The following SCAPER variants were observed in gnomAD, a reference collection of about 807,000 sequenced individuals.
SCAPER encodes the protein S phase cyclin A-associated protein in the endoplasmic reticulum.
A neutral mutation model predicts 182.2 loss-of-function variants in SCAPER; 98 were observed. That is an observed-to-expected ratio of 0.54 (90% CI 0.46 to 0.64). The LOEUF is 0.64. Ranked by LOEUF, SCAPER falls within the 30% of genes least tolerant of loss-of-function variation. SCAPER has a pLI of 0.00. For synonymous variants in SCAPER, 605 were observed against 564.6 expected (o/e 1.07, Z -1.01); for missense variants, 1,432 against 1,690.0 (o/e 0.85, Z 2.68).
intron 5 of SCAPER, among the ~76,000 whole-genome samples, chr15:76,809,918 G>C (rs905175328): frequency 2.0e-5 from 3 of 152,202 alleles, no homozygotes; most frequent in African/African-American, 7.2e-5. Context: ...TTTTTTAGCA[G>C]AACTTTGCAA....
chr15:76,704,145 TGA>T (rs1010723547), intron 18 of SCAPER, among the ~76,000 whole-genome samples: 7 of 152,216 alleles, frequency 4.6e-5, no homozygotes, highest in Non-Finnish European at 8.8e-5. Context: ...ACTTTACTTT[TGA>T]GTGATTAAAA....
chr15:76,699,503 T>C (rs555082237), intron 20 of SCAPER, among the ~76,000 whole-genome samples: 3 of 152,334 alleles, frequency 2.0e-5, no homozygotes, highest in Admixed American at 6.5e-5. Context: ...GAAATTGCTG[T>C]CCTTTGGATG....
intron 23 of SCAPER, among the ~76,000 whole-genome samples, chr15:76,526,014 A>G (rs2043170517): frequency 6.6e-6 from 1 of 152,152 alleles, no homozygotes; most frequent in African/African-American, 2.4e-5. Context: ...CAGCCTTGCC[A>G]GCATCTGTGG....
At chr15:76,861,021 TATAAATACATAC>T (rs1455501861) in intron 3 of SCAPER, among the ~76,000 whole-genome samples, 3 of 151,990 alleles carry the variant, frequency 2.0e-5, no homozygotes, top group South Asian at 2.1e-4. Flanking sequence ...AAACTGAAAA[TATAAATACATAC>T]ATAAATACAT....
intron 23 of SCAPER, among the ~76,000 whole-genome samples, chr15:76,535,672 T>C (rs930871710): frequency 1.3e-5 from 2 of 152,096 alleles, no homozygotes; most frequent in South Asian, 2.1e-4. Context: ...CCTACAGGTA[T>C]TGCTGGCCTA....
chr15:76,904,748 C>G (rs1318655998), intron 1 of SCAPER: 1 of 152,298 alleles, frequency 6.6e-6, no homozygotes, highest in African/African-American at 2.4e-5. Flanking sequence ...GCGCACGCAT[C>G]TGGAAGACGG....
intron 23 of SCAPER, among the ~76,000 whole-genome samples, chr15:76,519,287 A>C (rs942677435): frequency 1.3e-5 from 2 of 152,202 alleles, no homozygotes; most frequent in Non-Finnish European, 2.9e-5. Context: ...AAGTGATCAT[A>C]TAGAAAATAA....
At chr15:76,355,779 A>T (rs2040916779) in intron 29 of SCAPER, among the ~76,000 whole-genome samples, 1 of 152,222 alleles carries the variant, frequency 6.6e-6, no homozygotes, top group Non-Finnish European at 1.5e-5. Context: ...CACTGGAGTG[A>T]GGCAGAGCCC....
chr15:76,856,452 A>T (rs1434220343), intron 4 of SCAPER, among the ~76,000 whole-genome samples: 1 of 151,384 alleles, frequency 6.6e-6, no homozygotes, highest in African/African-American at 2.4e-5. Context: ...AAATATATAC[A>T]TGTATATGTG....
intron 9 of SCAPER, among the ~76,000 whole-genome samples, chr15:76,772,591 T>C (rs1307691513): frequency 6.6e-6 from 1 of 151,980 alleles, no homozygotes; most frequent in Non-Finnish European, 1.5e-5. Context: ...AGTGTCTCAT[T>C]ATGACATTCA....
intron 10 of SCAPER, among the ~76,000 whole-genome samples, chr15:76,767,723 C>T (rs75754242): frequency 0.033 from 4,979 of 151,898 alleles, 120 homozygotes; most frequent in Non-Finnish European, 0.049. Context: ...AGGAAGAACA[C>T]AAGTCAGAGA....
intron 23 of SCAPER, among the ~76,000 whole-genome samples, chr15:76,517,898 G>C: frequency 6.6e-6 from 1 of 151,180 alleles, no homozygotes; most frequent in Admixed American, 6.6e-5. Flanking sequence ...GCATTCACTA[G>C]CAGCTAAAAA....
At chr15:76,780,638 C>T (rs2064064224) in intron 8 of SCAPER, among the ~76,000 whole-genome samples, 1 of 152,190 alleles carries the variant, frequency 6.6e-6, no homozygotes, top group Non-Finnish European at 1.5e-5. Context: ...GGCCAACAGA[C>T]ACCTCATGCA....
intron 22 of SCAPER, among the ~76,000 whole-genome samples, chr15:76,614,301 A>G (rs1164455665): frequency 6.6e-6 from 1 of 152,134 alleles, no homozygotes; most frequent in Admixed American, 6.6e-5. Context: ...AGGAGTCTCA[A>G]TACTTGGGTG....
intron 20 of SCAPER, among the ~76,000 whole-genome samples, chr15:76,691,512 C>T (rs538640353): frequency 2.0e-5 from 3 of 151,926 alleles, no homozygotes; most frequent in African/African-American, 4.8e-5. Context: ...AGAAATATGG[C>T]AATTTTGAAA....
At chr15:76,886,882 T>C (rs2073869532) in intron 1 of SCAPER, among the ~76,000 whole-genome samples, 1 of 152,164 alleles carries the variant, frequency 6.6e-6, no homozygotes, top group Non-Finnish European at 1.5e-5. Flanking sequence ...CCATCATCCT[T>C]AGCAAACTAA....
intron 23 of SCAPER, among the ~76,000 whole-genome samples, chr15:76,573,828 T>C (rs1397182744): frequency 6.6e-6 from 1 of 152,160 alleles, no homozygotes; most frequent in Non-Finnish European, 1.5e-5. Flanking sequence ...TGAGGCTTTA[T>C]AATTCAAAGT....
At chr15:76,879,483 AG>A (rs2073394087) in intron 2 of SCAPER, among the ~76,000 whole-genome samples, 1 of 152,216 alleles carries the variant, frequency 6.6e-6, no homozygotes, top group African/African-American at 2.4e-5. Context: ...GTTAGAGAAA[AG>A]ACTCTCCTAC....
At chr15:76,609,539 T>C (rs113262500) in intron 22 of SCAPER, among the ~76,000 whole-genome samples, 70 of 152,322 alleles carry the variant, frequency 4.6e-4, no homozygotes, top group African/African-American at 1.6e-3. Flanking sequence ...TATCCATCTG[T>C]CATTGCATGT....
Sources: allele counts gnomAD v4.1 joint callset (sites outside exome capture counted in the v4.1 genomes callset), GRCh38; gene constraint gnomAD v4.1.1; transcripts MANE v1.5; gene names NCBI Gene and HGNC (gene_info 2026-07-23, HGNC 2026-07-21).